The following NLN variants were observed in gnomAD, a reference collection of about 807,000 sequenced individuals.
NLN encodes the protein neurolysin, mitochondrial.
Under a neutral mutation model 79.9 loss-of-function variants are expected in NLN, and 64 were observed. The ratio of observed to expected loss-of-function variants is 0.80; its 90% CI spans 0.65 to 0.99. The LOEUF is 0.99. Ranked by LOEUF, NLN falls within the 50% of genes least tolerant of loss-of-function variation. The probability of loss-of-function intolerance (pLI) is 0.00; values close to 1 mark genes in which losing one functional copy is unlikely to be tolerated. For missense variants in NLN, 835 were observed against 858.7 expected (o/e 0.97, Z 0.34); for synonymous variants, 267 against 296.6 (o/e 0.90, Z 1.02).
At chr5:65,772,861 G>T (rs1339193874) in intron 3 of NLN, among the ~76,000 whole-genome samples, 1 of 151,336 alleles carries the variant, frequency 6.6e-6, no homozygotes, top group East Asian at 1.9e-4. Flanking sequence ...CTCCCAAGTA[G>T]CTGGGACTAC....
At chr5:65,800,663 C>CTCATTTAT (rs1554033903) in intron 9 of NLN, among the ~76,000 whole-genome samples, 1 of 142,880 alleles carries the variant, frequency 7.0e-6, no homozygotes, top group African/African-American at 2.7e-5. Flanking sequence ...AGAAAACTCT[C>CTCATTTAT]TTATTTATTT....
At chr5:65,748,391 T>C (rs1191603788) in intron 1 of NLN, among the ~76,000 whole-genome samples, 1 of 152,206 alleles carries the variant, frequency 6.6e-6, no homozygotes, top group Non-Finnish European at 1.5e-5. Context: ...TAGCTGACTT[T>C]ATCATTTCTG....
chr5:65,725,024 C>A (rs1290015944), intron 1 of NLN, among the ~76,000 whole-genome samples: 2 of 151,816 alleles, frequency 1.3e-5, no homozygotes, highest in Non-Finnish European at 2.9e-5. Flanking sequence ...CCAGGATGGT[C>A]TCGATCTCCT....
intron 12 of NLN, among the ~76,000 whole-genome samples, chr5:65,816,515 C>T (rs1010436949): frequency 4.0e-5 from 6 of 151,064 alleles, no homozygotes; most frequent in East Asian, 1.9e-4. Context: ...AACCTGTACT[C>T]GTACCCCGAA....
At chr5:65,813,560 A>G (rs1760602281) in intron 12 of NLN, among the ~76,000 whole-genome samples, 1 of 151,860 alleles carries the variant, frequency 6.6e-6, no homozygotes, top group African/African-American at 2.4e-5. Flanking sequence ...CATTCCCCTT[A>G]TTGATTTCCC....
rs767944032 is a variant in NLN, at chr5:65,802,727, G to T, written c.1528-6788G>T. On this transcript the variant is annotated intron_variant, in intron 9 of 12. Transcript: ENST00000380985. ...AACAGCTTAGAGGAGACGCACAATG[G>T]GTAGCTCCTCTCCACAACCAGGGTG... Among the ~76,000 whole-genome samples, 324 of 152,272 alleles carry T rather than the reference G, an allele frequency of 2.1e-3. 1 individual carries two copies. The highest frequency in any genetic ancestry group is 7.4e-3 in the African/African-American group (307 of 41,550).
intron 1 of NLN, among the ~76,000 whole-genome samples, chr5:65,747,173 T>A (rs948257775): frequency 6.6e-6 from 1 of 152,056 alleles, no homozygotes; most frequent in Non-Finnish European, 1.5e-5. Context: ...CAGATGCAGC[T>A]ATGTTCGTAG....
intron 9 of NLN, among the ~76,000 whole-genome samples, chr5:65,796,060 C>T (rs16894362): frequency 0.027 from 4,119 of 152,240 alleles, 104 homozygotes; most frequent in African/African-American, 0.07. Flanking sequence ...AAAAGGCTCA[C>T]AGACCCCTCG....
chr5:65,761,960 TTTAC>T lies in NLN; in HGVS notation c.302-996_302-993del, dbSNP rs1381045742. ...AATACTGAAGTTAATCAAATAAAAA[TTTAC>T]TTATTTTCACAGCATAACACAACCA... On this transcript the variant is annotated intron_variant, in intron 2 of 12. Transcript: ENST00000380985. Among the ~76,000 whole-genome samples, 3 of 152,186 alleles carry T rather than the reference TTTAC, an allele frequency of 2.0e-5. No individual in the cohort carries two copies. In the East Asian group the frequency reaches 5.8e-4, roughly 29 times the overall value.
At chr5:65,773,835 T>C (rs1420439088) in intron 3 of NLN, among the ~76,000 whole-genome samples, 1 of 152,016 alleles carries the variant, frequency 6.6e-6, no homozygotes, top group Non-Finnish European at 1.5e-5. Context: ...CCCAGCTACT[T>C]GGGAGGCTGA....
At chr5:65,793,340 G>A (rs2248213) in intron 9 of NLN, 72,778 of 155,282 alleles carry the variant, frequency 0.47, 17,507 homozygotes, top group African/African-American at 0.49. Flanking sequence ...GCAATTCACC[G>A]TAATAGTTGA....
chr5:65,785,065 G>A (rs1225589601), intron 6 of NLN, among the ~76,000 whole-genome samples: 1 of 152,124 alleles, frequency 6.6e-6, no homozygotes, highest in Admixed American at 6.6e-5. Context: ...TTGTTTACCT[G>A]TATATCTGTC....
At chr5:65,782,195 A>T (rs1018476622) in intron 6 of NLN, among the ~76,000 whole-genome samples, 5 of 152,034 alleles carry the variant, frequency 3.3e-5, no homozygotes, top group African/African-American at 1.2e-4. Flanking sequence ...TCCTTTATCA[A>T]TTTTACTCCA....
Position 65,823,100 on chromosome 5 carries a change from G to C in NLN, c.*185G>C, listed in dbSNP as rs1421468780. On this transcript the variant is annotated 3_prime_UTR_variant, in exon 13 of 13. Transcript: ENST00000380985. ...TTATAAATACTGTGACCTAAGAAAA[G>C]ACCCACTAGAAAGTAATTGTACTAT... 3 of 488,812 alleles carry C rather than the reference G, an allele frequency of 6.1e-6. No individual in the cohort carries two copies. Among genetic ancestry groups the C allele is most frequent in the Non-Finnish European group, 1.1e-5 (3 of 276,952 alleles). The allele number at this position is 488,812 out of a possible 1,614,324, so 30.3% of individuals were successfully genotyped here. A position where few individuals can be genotyped will look rare whatever the true frequency, so the allele number is the denominator to read the frequency against.
intron 1 of NLN, among the ~76,000 whole-genome samples, chr5:65,739,010 AT>A (rs1177953096): frequency 4.5e-5 from 6 of 134,646 alleles, no homozygotes; most frequent in African/African-American, 1.4e-4. Flanking sequence ...TATAATATAT[AT>A]TTATATATAT....
At chr5:65,733,779 G>C in intron 1 of NLN, 1 of 680,272 alleles carries the variant, frequency 1.5e-6, no homozygotes, top group Non-Finnish European at 2.4e-6. Flanking sequence ...AAGTGCAGTG[G>C]CACAATCTCA....
At chr5:65,805,723 C>G (rs779212161) in intron 9 of NLN, among the ~76,000 whole-genome samples, 2 of 152,214 alleles carry the variant, frequency 1.3e-5, no homozygotes, top group African/African-American at 2.4e-5. Context: ...TCCAGAAGAT[C>G]TAGTTAAGAT....
intron 9 of NLN, among the ~76,000 whole-genome samples, chr5:65,796,429 A>T (rs1461758117): frequency 6.6e-6 from 1 of 152,152 alleles, no homozygotes; most frequent in African/African-American, 2.4e-5. Context: ...CTGAACTATT[A>T]ATATATATAT....
Position 65,807,858 on chromosome 5 carries a change from A to T in NLN, c.1528-1657A>T, listed in dbSNP as rs558334768. On this transcript the variant is annotated intron_variant, in intron 9 of 12. Coordinates refer to ENST00000380985, the MANE Select transcript of NLN (RefSeq NM_020726.5). ...AGTTTGTGTGGCTTACTTTATTGTG[A>T]TATTCACTTCATTGCAGTGGTCTGG... 9.8e-5 allele frequency among the ~76,000 whole-genome samples: 15 copies of T among 152,334 alleles called. No homozygotes were observed. In the East Asian group the frequency reaches 2.9e-3, roughly 29 times the overall value.
Sources: gnomAD v4.1 joint callset for allele counts (sites outside exome capture counted in the v4.1 genomes callset) on GRCh38, gnomAD v4.1.1 for gene constraint, MANE v1.5 for transcripts, NCBI Gene and HGNC (gene_info 2026-07-23, HGNC 2026-07-21) for gene names.